The following TAF4 variants were observed in gnomAD, a reference collection of about 807,000 sequenced individuals.
TAF4 encodes the protein transcription initiation factor TFIID subunit 4.
In TAF4, 9 loss-of-function variants were observed where a neutral mutation model predicts 90.3. That is an observed-to-expected ratio of 0.10 (90% CI 0.06 to 0.17). The LOEUF (loss-of-function observed/expected upper bound fraction) is 0.17. TAF4 is among the 10% of genes least tolerant of loss of function. The pLI, the probability that TAF4 is intolerant of heterozygous loss-of-function variation, is 1.00. For synonymous variants in TAF4, 818 were observed against 638.9 expected (o/e 1.28, Z -4.23); for missense variants, 1,351 against 1,370.7 (o/e 0.99, Z 0.23).
chr20:62,009,067 G>T lies in TAF4; in HGVS notation c.1869C>A (p.Leu623=). The stretch of plus-strand genomic sequence containing the variant: ...GGTTTCTCACCAGTAAATTCTGCAC[G>T]AGCTCTTTCACATTAGCTGCTGTCT... ...STETAANVKE[L]VQNLLDGKIE... Residue 623 remains leucine, a synonymous_variant, in exon 5 of 15, where the codon CTC becomes CTA. Coordinates refer to ENST00000252996, the MANE Select transcript of TAF4 (RefSeq NM_003185.4). 1.2e-6 allele frequency: 2 copies of T among 1,612,980 alleles called. No homozygotes were observed. Among genetic ancestry groups the T allele is most frequent in the Non-Finnish European group, 1.7e-6 (2 of 1,179,644 alleles).
chr20:62,001,671 G>A (rs2055704471), intron 9 of TAF4, among the ~76,000 whole-genome samples: 1 of 152,110 alleles, frequency 6.6e-6, no homozygotes, highest in South Asian at 2.1e-4. Flanking sequence ...GGCATCCCTG[G>A]TGGTCACGGG....
At chr20:62,047,177 C>A (rs1268707145) in intron 1 of TAF4, among the ~76,000 whole-genome samples, 1 of 152,154 alleles carries the variant, frequency 6.6e-6, no homozygotes, top group Non-Finnish European at 1.5e-5. Context: ...TATTCTTCGA[C>A]AATTACTCTC....
At chr20:62,018,572 G>T (rs2055825578) in intron 1 of TAF4, among the ~76,000 whole-genome samples, 1 of 152,058 alleles carries the variant, frequency 6.6e-6, no homozygotes, top group East Asian at 1.9e-4. Context: ...CCCCCACCCC[G>T]CCCCACAGAT....
At chr20:62,063,370 C>A (rs921013199) in intron 1 of TAF4, among the ~76,000 whole-genome samples, 2 of 152,240 alleles carry the variant, frequency 1.3e-5, no homozygotes, top group Admixed American at 1.3e-4. Context: ...CTGCTGCCAC[C>A]GCGCTGCTAC....
rs2056124051 is a variant in TAF4 at position 62,065,371 on chromosome 20, GCGA to G, written c.437_439del (p.Val146del). On this transcript the variant is annotated inframe_deletion, in exon 1 of 15. Coordinates refer to ENST00000252996, the MANE Select transcript of TAF4 (RefSeq NM_003185.4). Reference sequence around the variant, plus strand: ...GGCGGGGGCGGGCTCGGGCCCCGCGGCGACGGCGGCGGCGGCGGGCACCGGGGC... The same window carrying G: ...GGCGGGGGCGGGCTCGGGCCCCGCGGCGGCGGCGGCGGCGGGCACCGGGGC... 1.0e-6 allele frequency: 1 copy of G among 971,344 alleles called. No homozygotes were observed. Among genetic ancestry groups the G allele is most frequent in the African/African-American group, 1.8e-5 (1 of 55,278 alleles). 60.2% of individuals were successfully genotyped at this position (971,344 alleles called of 1,614,324 possible). A position where few individuals can be genotyped will look rare whatever the true frequency, so the allele number is the denominator to read the frequency against.
rs1264997140 is a variant in TAF4, at chr20:62,064,432, G to A, written c.1360+19C>T. The A allele has an allele frequency of 2.2e-6, 3 of 1,337,104 alleles. No individual in the cohort carries two copies. Among genetic ancestry groups the A allele is most frequent in the African/African-American group, 3.0e-5 (2 of 66,050 alleles). The allele number at this position is 1,337,104 out of a possible 1,614,324, so 82.8% of individuals were successfully genotyped here. ...CTGCTGGGAGCCGCCCTTCCCTCCC[G>A]CCCCGTGCGGCCACTCACCTGGGGG... is the stretch of plus-strand genomic sequence containing the variant. On this transcript the variant is annotated intron_variant, in intron 1 of 14. Coordinates refer to ENST00000252996, the MANE Select transcript of TAF4 (RefSeq NM_003185.4).
chr20:62,019,896 T>A (rs1002374058), intron 1 of TAF4, among the ~76,000 whole-genome samples: 5 of 152,176 alleles, frequency 3.3e-5, no homozygotes, highest in African/African-American at 1.2e-4. Context: ...CCCCCACCTG[T>A]GGGGGAAATG....
At chr20:62,014,473 G>T (rs554603146) in intron 2 of TAF4, 74 bp downstream of exon 2, 76 of 1,477,228 alleles carry the variant, frequency 5.1e-5, no homozygotes, top group Non-Finnish European at 6.4e-5. Context: ...GGCCCTTGCA[G>T]GTTTCCCCAG....
At chr20:62,017,187 A>T (rs1489967082) in intron 1 of TAF4, among the ~76,000 whole-genome samples, 2 of 152,136 alleles carry the variant, frequency 1.3e-5, no homozygotes, top group Admixed American at 1.3e-4. Flanking sequence ...TGAGAAGCCA[A>T]TAATGGACGC....
chr20:62,014,598 A>G lies in TAF4; in HGVS notation c.1470T>C (p.Pro490=), dbSNP rs199988373. 1.2e-6 allele frequency: 2 copies of G among 1,613,934 alleles called. No homozygotes were observed. The highest frequency in any genetic ancestry group is 8.5e-7 in the Non-Finnish European group (1 of 1,179,918). Residue 490 remains proline (P), a synonymous_variant, in exon 2 of 15, where the codon CCT becomes CCC. Transcript: ENST00000252996. The stretch of plus-strand genomic sequence containing the variant: ...GGGCACTTGTGGGGGTGGCAGGGCG[A>G]GGCGCCATGGTGGTCTGAGGCTGGG... ...AHAQPQTTMA[P]RPATPTSAPP... is the part of the protein sequence containing the mutation.
intron 11 of TAF4, among the ~76,000 whole-genome samples, chr20:61,999,811 C>G (rs957208229): frequency 6.6e-6 from 1 of 152,048 alleles, no homozygotes; most frequent in African/African-American, 2.4e-5. Flanking sequence ...TAGTTGGGCA[C>G]GGTGGTGTGC....
intron 1 of TAF4, among the ~76,000 whole-genome samples, chr20:62,025,379 T>G (rs1755060538): frequency 6.6e-6 from 1 of 152,170 alleles, no homozygotes; most frequent in African/African-American, 2.4e-5. Context: ...CAGATGACTC[T>G]CAAATAATCA....
chr20:62,003,270 A>C lies in TAF4; in HGVS notation c.2376T>G (p.Pro792=). Residue 792 remains proline (P), a synonymous_variant, in exon 9 of 15, where the codon CCT becomes CCG. Coordinates refer to ENST00000252996, the MANE Select transcript of TAF4 (RefSeq NM_003185.4). ...CAGGTAACACGGCGGGTTTCACCAC[A>C]GGGACTACAAAACAAACACACAGTG... ...QIQLNPLQPV[P]VVKPAVLPGT... 1 of 1,613,586 alleles carries C rather than the reference A, an allele frequency of 6.2e-7. No homozygotes were observed. The highest frequency in any genetic ancestry group is 8.5e-7 in the Non-Finnish European group (1 of 1,179,502).
chr20:62,048,652 T>C (rs544164649), intron 1 of TAF4, among the ~76,000 whole-genome samples: 125 of 148,778 alleles, frequency 8.4e-4, no homozygotes, highest in African/African-American at 3.0e-3. Flanking sequence ...ATGCCCACCT[T>C]GTGACCAGGC....
chr20:62,044,076 T>G (rs2145505449), intron 1 of TAF4, among the ~76,000 whole-genome samples: 1 of 152,368 alleles, frequency 6.6e-6, no homozygotes, highest in East Asian at 1.9e-4. Flanking sequence ...AGCTAACTTG[T>G]GCTTATTATA....
rs201993541 is a variant in TAF4 at position 62,013,904 on chromosome 20, CGG to C, written c.1521+641_1521+642del. Among the ~76,000 whole-genome samples, 993 of 116,096 alleles carry C rather than the reference CGG, an allele frequency of 8.6e-3. 7 individuals are homozygous for C. The highest frequency in any genetic ancestry group is 0.029 in the South Asian group (93 of 3,222). 76.2% of individuals were successfully genotyped at this position (116,096 alleles called of 152,430 possible). ...GGAGCTTCGGCCCTGAAGGCTGACG[CGG>C]GTGTGTGTGTGTGTGTGTGTGTGTG... On this transcript the variant is annotated intron_variant, in intron 2 of 14. Coordinates refer to ENST00000252996, the MANE Select transcript of TAF4 (RefSeq NM_003185.4).
chr20:61,983,194 G>A (rs1367098432), intron 14 of TAF4, among the ~76,000 whole-genome samples: 2 of 151,974 alleles, frequency 1.3e-5, no homozygotes, highest in Non-Finnish European at 2.9e-5. Context: ...CTGCTCGACT[G>A]CAGCGTGAAC....
At chr20:62,014,074 C>A (rs2055798926) in intron 2 of TAF4, among the ~76,000 whole-genome samples, 1 of 151,508 alleles carries the variant, frequency 6.6e-6, no homozygotes, top group Admixed American at 6.6e-5. Flanking sequence ...GTCCCTCTGG[C>A]ACCCCCTAAC....
In TAF4 at chr20:62,010,015, C is replaced by T; in HGVS notation, c.1761+31G>A. On this transcript the variant is annotated intron_variant, in intron 4 of 14. Coordinates refer to ENST00000252996, the MANE Select transcript of TAF4 (RefSeq NM_003185.4). This position sits in a 1 kb window ranked among gnomAD's most constrained non-coding sequence, Gnocchi z 4.5. Reference sequence around the variant, plus strand: ...TGACCTGCGCCACGGGCCTGACCGTCTTTGAAGGCACGGAAAGGAGTGGCT... The same window carrying T: ...TGACCTGCGCCACGGGCCTGACCGTTTTTGAAGGCACGGAAAGGAGTGGCT... 6.2e-7 allele frequency: 1 copy of T among 1,611,530 alleles called. No homozygotes were observed. Among genetic ancestry groups the T allele is most frequent in the Non-Finnish European group, 8.5e-7 (1 of 1,179,796 alleles).
Sources: gnomAD v4.1 joint callset for allele counts (sites outside exome capture counted in the v4.1 genomes callset) on GRCh38, gnomAD v4.1.1 for gene constraint, Gnocchi (gnomAD v3.1) non-coding constraint, MANE v1.5 for transcripts, NCBI Gene and HGNC (gene_info 2026-07-23, HGNC 2026-07-21) for gene names.